The following ARMC3 variants were observed in gnomAD, a reference collection of about 807,000 sequenced individuals.
ARMC3 encodes armadillo repeat-containing protein 3.
ARMC3 carries 74 observed loss-of-function variants against 90.3 expected under a neutral mutation model. The observed-to-expected ratio is 0.82, with a 90% CI of 0.68 to 0.99. ARMC3 has a LOEUF of 0.99. Among genes scored for constraint, ARMC3 ranks in the 50% least tolerant of loss-of-function variants. The probability of loss-of-function intolerance (pLI) is 0.00; values close to 1 mark genes in which losing one functional copy is unlikely to be tolerated. For synonymous variants in ARMC3, 334 were observed against 361.8 expected, an observed-to-expected ratio of 0.92 and a Z score of 0.87; for missense variants, 958 against 1,042.8, an observed-to-expected ratio of 0.92 and a Z score of 1.12.
At chr10:22,971,911 CATT>C (rs1054311175) in intron 8 of ARMC3, among the ~76,000 whole-genome samples, 25 of 152,104 alleles carry the variant, frequency 1.6e-4, no homozygotes, top group African/African-American at 6.0e-4. Flanking sequence ...GGTGCTATCT[CATT>C]GTACTTTTTA....
intron 16 of ARMC3, among the ~76,000 whole-genome samples, chr10:23,019,017 CCAGCCT>C (rs1838402371): frequency 6.6e-6 from 1 of 152,204 alleles, no homozygotes; most frequent in South Asian, 2.1e-4. Context: ...AGAGGGCTGT[CCAGCCT>C]CACTGCTGGT....
chr10:22,943,848 A>G (rs530303005), intron 2 of ARMC3, among the ~76,000 whole-genome samples: 3 of 151,842 alleles, frequency 2.0e-5, no homozygotes, highest in Non-Finnish European at 4.4e-5. Flanking sequence ...CAGAGAGAAT[A>G]GCTTGAACCC....
intron 2 of ARMC3, among the ~76,000 whole-genome samples, chr10:22,935,739 T>A (rs1412457445): frequency 6.6e-6 from 1 of 152,236 alleles, no homozygotes; most frequent in Non-Finnish European, 1.5e-5. Context: ...AATTTTCAGC[T>A]TGCTCACCTT....
rs773333728 is a variant in ARMC3 at position 22,955,768 on chromosome 10, T to C, written c.167-39T>C. 5.0e-5 allele frequency: 81 copies of C among 1,610,518 alleles called. 2 individuals carry two copies. The South Asian group carries it at 8.9e-4, about 18-fold the overall frequency. ...CAAGGCAGAATGCTGATGAGATCGA[T>C]AATATCCATGTGTGGTTTTGTTTTA... is the stretch of plus-strand genomic sequence containing the variant. On this transcript the variant is annotated intron_variant, in intron 3 of 18. Coordinates refer to ENST00000298032, the MANE Select transcript of ARMC3 (RefSeq NM_173081.5).
chr10:22,955,804 C>T lies in ARMC3; in HGVS notation c.167-3C>T, dbSNP rs1834914103. 10 of 1,613,720 alleles carry T rather than the reference C, an allele frequency of 6.2e-6. No homozygotes were observed. Among genetic ancestry groups the T allele is most frequent in the Non-Finnish European group, 7.6e-6 (9 of 1,179,832 alleles). The stretch of plus-strand genomic sequence containing the variant: ...TGTGGTTTTGTTTTACGTGTGATGT[C>T]AGGTGAGGAAAATAAAACAACCCTC... On this transcript the variant is annotated splice_region_variant and splice_polypyrimidine_tract_variant and intron_variant, in intron 3 of 18. Coordinates refer to ENST00000298032, the MANE Select transcript of ARMC3 (RefSeq NM_173081.5).
intron 13 of ARMC3, among the ~76,000 whole-genome samples, chr10:23,005,440 C>T (rs147886045): frequency 7.2e-4 from 110 of 152,202 alleles, no homozygotes; most frequent in South Asian, 3.1e-3. Context: ...TTATAAGTTT[C>T]GGATATTGGA....
At chr10:23,036,106 G>C (rs1036978314) in intron 18 of ARMC3, among the ~76,000 whole-genome samples, 1 of 152,112 alleles carries the variant, frequency 6.6e-6, no homozygotes, top group Non-Finnish European at 1.5e-5. Context: ...TATTCCACAG[G>C]GTTGGTTGTT....
intron 8 of ARMC3, among the ~76,000 whole-genome samples, chr10:22,978,087 C>G (rs1054140302): frequency 1.3e-5 from 2 of 152,170 alleles, no homozygotes; most frequent in Non-Finnish European, 2.9e-5. Context: ...TACCTCTTAA[C>G]TCTTATTATC....
At chr10:22,949,962 A>G (rs1224156202) in intron 3 of ARMC3, among the ~76,000 whole-genome samples, 1 of 152,168 alleles carries the variant, frequency 6.6e-6, no homozygotes, top group Non-Finnish European at 1.5e-5. Flanking sequence ...TATGCAAGTG[A>G]GAAGTCTGTA....
rs1471803837 is a variant in ARMC3, at chr10:22,959,071, T to A, written c.294T>A (p.Asn98Lys). 6.2e-7 allele frequency: 1 copy of A among 1,603,516 alleles called. No homozygotes were observed. The highest frequency in any genetic ancestry group is 1.7e-5 in the Admixed American group (1 of 59,990). The change falls in exon 5 of 19, where the codon AAT becomes AAA. Residue 98 changes from asparagine to lysine, a missense_variant and splice_region_variant. Coordinates refer to ENST00000298032, the MANE Select transcript of ARMC3 (RefSeq NM_173081.5). ...AATACTCTGTTTCTTCCTTTGTAGA[T>A]GATGTTAAAAAATTGTTAAGGGAGT... ...TMIFGILASN[N>K]DVKKLLRELD...
intron 16 of ARMC3, among the ~76,000 whole-genome samples, chr10:23,019,076 A>C (rs1673350233): frequency 6.6e-6 from 1 of 152,258 alleles, no homozygotes; most frequent in African/African-American, 2.4e-5. Context: ...AAGTAGAGAA[A>C]GTAAGCCTTG....
chr10:22,949,597 CAG>C (rs1834661600), intron 3 of ARMC3, among the ~76,000 whole-genome samples: 1 of 152,060 alleles, frequency 6.6e-6, no homozygotes, highest in Admixed American at 6.5e-5. Flanking sequence ...AAAAGATGAA[CAG>C]AGATTCAATG....
intron 10 of ARMC3, among the ~76,000 whole-genome samples, chr10:22,995,553 A>G (rs996317834): frequency 6.6e-5 from 10 of 152,336 alleles, no homozygotes; most frequent in African/African-American, 2.2e-4. Flanking sequence ...TTAAACACCT[A>G]GTTTTTTATG....
intron 8 of ARMC3, among the ~76,000 whole-genome samples, chr10:22,980,031 T>C (rs1016345506): frequency 5.9e-5 from 9 of 152,156 alleles, no homozygotes; most frequent in Non-Finnish European, 1.0e-4. Context: ...ACGATTTTTT[T>C]TGAGTCATCG....
intron 10 of ARMC3, among the ~76,000 whole-genome samples, chr10:22,988,234 A>G (rs530521808): frequency 4.6e-5 from 7 of 152,364 alleles, no homozygotes; most frequent in African/African-American, 1.7e-4. Flanking sequence ...ATGCCATGCA[A>G]TTTGTAGAGA....
intron 16 of ARMC3, among the ~76,000 whole-genome samples, chr10:23,010,967 T>C (rs1171785333): frequency 7.8e-6 from 1 of 128,542 alleles, no homozygotes; most frequent in African/African-American, 2.9e-5. Flanking sequence ...GTTCTTCCCT[T>C]CCCTCTTCTC....
chr10:22,969,658 C>A (rs16922842), intron 8 of ARMC3, among the ~76,000 whole-genome samples: 2,795 of 152,308 alleles, frequency 0.018, 94 homozygotes, highest in African/African-American at 0.064. Flanking sequence ...AGTATTCTAT[C>A]AAATGGAACT....
In ARMC3 at chr10:23,003,336, T is replaced by A; in HGVS notation, c.1653T>A (p.Asn551Lys). The A allele has an allele frequency of 1.5e-5, 25 of 1,613,534 alleles. No individual in the cohort carries two copies. Among genetic ancestry groups the A allele is most frequent in the Non-Finnish European group, 1.9e-5 (22 of 1,179,764 alleles). Reference sequence around the variant, plus strand: ...CTTATAATAAGTTGCTCAATAACAATCTTTCCCTGAAATACAGCCAGACTG... The same window carrying A: ...CTTATAATAAGTTGCTCAATAACAAACTTTCCCTGAAATACAGCCAGACTG... ...EAAYNKLLNN[N>K]LSLKYSQTGY... The change falls in exon 13 of 19, where the codon AAT becomes AAA. Residue 551 changes from asparagine to lysine, a missense_variant. By Grantham distance (94) the Asn-to-Lys change is moderately conservative. Coordinates refer to ENST00000298032, the MANE Select transcript of ARMC3 (RefSeq NM_173081.5).
At chr10:23,006,704 A>G in intron 13 of ARMC3, 180 bp from the exon 14 acceptor site, 1 of 569,942 alleles carries the variant, frequency 1.8e-6, no homozygotes, top group Non-Finnish European at 3.1e-6. Flanking sequence ...GCCCAAAGGC[A>G]AGAACATCCA....
Sources: gnomAD v4.1 joint callset for allele counts (sites outside exome capture counted in the v4.1 genomes callset) on GRCh38, gnomAD v4.1.1 for gene constraint, MANE v1.5 for transcripts, NCBI Gene and HGNC (gene_info 2026-07-23, HGNC 2026-07-21) for gene names.